HTR1F: variants seen among roughly 807,000 people sequenced by gnomAD.
The protein encoded by HTR1F is 5-hydroxytryptamine (serotonin) receptor 1F, G protein-coupled.
In HTR1F, 17 loss-of-function variants were observed where a neutral mutation model predicts 24.0. The observed-to-expected ratio is 0.71, with a 90% CI of 0.48 to 1.06. The LOEUF (loss-of-function observed/expected upper bound fraction) is 1.06. Ranked by LOEUF, HTR1F falls within the 50% of genes least tolerant of loss-of-function variation. HTR1F has a pLI of 0.00. For missense variants in HTR1F, 391 were observed against 427.8 expected (o/e 0.91, Z 0.76); for synonymous variants, 186 against 156.8 (o/e 1.19, Z -1.39).
At chr3:87,825,083 TC>T (rs1704436402) in intron 2 of HTR1F, among the ~76,000 whole-genome samples, 1 of 152,186 alleles carries the variant, frequency 6.6e-6, no homozygotes, top group Non-Finnish European at 1.5e-5. Flanking sequence ...TAAAAATATG[TC>T]ATAGCAATAA....
intron 2 of HTR1F, among the ~76,000 whole-genome samples, chr3:87,869,454 T>TAGATA (rs113301497): frequency 0.027 from 3,341 of 123,656 alleles, 63 homozygotes; most frequent in African/African-American, 0.054. Context: ...GATAGATAGA[T>TAGATA]GATAGATAGA....
chr3:87,874,281 A>G (rs1370822028), intron 2 of HTR1F, among the ~76,000 whole-genome samples: 1 of 152,208 alleles, frequency 6.6e-6, no homozygotes, highest in Non-Finnish European at 1.5e-5. Context: ...CTAGTGGAAT[A>G]ATTCAGCAAA....
chr3:87,917,266 G>C (rs998911318), intron 2 of HTR1F, among the ~76,000 whole-genome samples: 21 of 151,374 alleles, frequency 1.4e-4, no homozygotes, highest in African/African-American at 4.9e-4. Context: ...AAGTCTGAAA[G>C]AGCACAGACA....
chr3:87,794,574 C>T (rs1421048270), intron 1 of HTR1F, among the ~76,000 whole-genome samples: 3 of 152,144 alleles, frequency 2.0e-5, no homozygotes, highest in Non-Finnish European at 4.4e-5. Flanking sequence ...TTTTTCCACA[C>T]GTCTTTCAGT....
rs112554209 is a variant in HTR1F, at chr3:87,796,968, C to A, written c.-160+4126C>A. 1.7e-3 allele frequency among the ~76,000 whole-genome samples: 253 copies of A among 152,230 alleles called. 1 individual carries two copies. The highest frequency in any genetic ancestry group is 5.7e-3 in the African/African-American group (238 of 41,532). On this transcript the variant is annotated intron_variant, in intron 1 of 2. Transcript: ENST00000319595. ...TAAATACGTATACATAGAAAACAAG[C>A]CAAATAATCTATATATAGTAGTCCC...
chr3:87,949,018 T>A (rs1471879340), intron 2 of HTR1F, among the ~76,000 whole-genome samples: 1 of 152,178 alleles, frequency 6.6e-6, no homozygotes, highest in Non-Finnish European at 1.5e-5. Flanking sequence ...AAATTGTGTA[T>A]CTATTTATAT....
chr3:87,847,370 T>C (rs1309458551), intron 2 of HTR1F, among the ~76,000 whole-genome samples: 1 of 151,846 alleles, frequency 6.6e-6, no homozygotes, highest in East Asian at 1.9e-4. Flanking sequence ...CAGGAATTAT[T>C]TTTGAAAATT....
chr3:87,941,143 T>G (rs1314853987), intron 2 of HTR1F, among the ~76,000 whole-genome samples: 1 of 152,224 alleles, frequency 6.6e-6, no homozygotes, highest in Non-Finnish European at 1.5e-5. Flanking sequence ...GTTAGGGCCT[T>G]CTTTAGGGCC....
chr3:87,855,899 G>A (rs1206228909), intron 2 of HTR1F, among the ~76,000 whole-genome samples: 2 of 151,912 alleles, frequency 1.3e-5, no homozygotes, highest in Non-Finnish European at 1.5e-5. Flanking sequence ...GTATCACAGT[G>A]CTTGTGTTCA....
At chr3:87,796,537 T>C (rs932437963) in intron 1 of HTR1F, among the ~76,000 whole-genome samples, 1 of 152,068 alleles carries the variant, frequency 6.6e-6, no homozygotes, top group Non-Finnish European at 1.5e-5. Flanking sequence ...AGAAAAGAGT[T>C]CTAGAGCAGT....
chr3:87,942,125 C>T (rs181788820), intron 2 of HTR1F, among the ~76,000 whole-genome samples: 6 of 152,092 alleles, frequency 3.9e-5, no homozygotes, highest in African/African-American at 1.4e-4. Context: ...CAGGGGACAA[C>T]AAATGGGTGT....
At chr3:87,809,116 T>C (rs1282004174) in intron 1 of HTR1F, among the ~76,000 whole-genome samples, 1 of 151,868 alleles carries the variant, frequency 6.6e-6, no homozygotes, top group Non-Finnish European at 1.5e-5. Flanking sequence ...CTTATATGAA[T>C]AGATTTTTAT....
intron 2 of HTR1F, among the ~76,000 whole-genome samples, chr3:87,904,222 C>T (rs1703605294): frequency 6.6e-6 from 1 of 152,062 alleles, no homozygotes; most frequent in Non-Finnish European, 1.5e-5. Flanking sequence ...CTGACAGTTC[C>T]AAGTGTTTGT....
chr3:87,828,846 C>G (rs1415941277), intron 2 of HTR1F, among the ~76,000 whole-genome samples: 1 of 152,104 alleles, frequency 6.6e-6, no homozygotes, highest in Non-Finnish European at 1.5e-5. Flanking sequence ...ATTCAACCTT[C>G]TGGACGAAAC....
At chr3:87,814,010 G>C (rs191353912) in intron 1 of HTR1F, among the ~76,000 whole-genome samples, 6 of 152,154 alleles carry the variant, frequency 3.9e-5, no homozygotes, top group Admixed American at 3.9e-4. Context: ...AAGCCATTGG[G>C]ATAATCTTTT....
At chr3:87,851,433 C>T (rs1174928575) in intron 2 of HTR1F, among the ~76,000 whole-genome samples, 3 of 151,534 alleles carry the variant, frequency 2.0e-5, no homozygotes, top group South Asian at 4.1e-4. Flanking sequence ...TATTTTCACT[C>T]CCAGATGGTA....
intron 2 of HTR1F, among the ~76,000 whole-genome samples, chr3:87,932,971 C>T (rs1194458305): frequency 6.7e-6 from 1 of 148,732 alleles, no homozygotes; most frequent in Non-Finnish European, 1.5e-5. Flanking sequence ...ACTGGCAAAC[C>T]AAATCCAGCA....
intron 2 of HTR1F, among the ~76,000 whole-genome samples, chr3:87,919,618 A>T (rs986165616): frequency 1.3e-5 from 2 of 152,186 alleles, no homozygotes; most frequent in African/African-American, 2.4e-5. Flanking sequence ...ATATGAAAAA[A>T]TGTTCAACAT....
intron 2 of HTR1F, among the ~76,000 whole-genome samples, chr3:87,830,929 G>T (rs1465121188): frequency 6.6e-6 from 1 of 152,156 alleles, no homozygotes; most frequent in African/African-American, 2.4e-5. Flanking sequence ...GATATTTGAA[G>T]TAGAAATTAG....
Sources: allele counts gnomAD v4.1 joint callset (sites outside exome capture counted in the v4.1 genomes callset), GRCh38; gene constraint gnomAD v4.1.1; transcripts MANE v1.5; gene names NCBI Gene and HGNC (gene_info 2026-07-23, HGNC 2026-07-21).